The following CAPZA2 variants were observed in gnomAD, a reference collection of about 807,000 sequenced individuals.
The protein encoded by CAPZA2 is capping actin protein of muscle Z-line subunit alpha 2.
CAPZA2 carries 13 observed loss-of-function variants against 44.0 expected under a neutral mutation model. The observed-to-expected ratio is 0.30, with a 90% confidence interval of 0.19 to 0.47. The LOEUF is 0.47. Ranked by LOEUF, CAPZA2 falls within the 20% of genes least tolerant of loss-of-function variation. The pLI is 1.00. For synonymous variants in CAPZA2, 94 were observed against 108.2 expected (o/e 0.87, Z 0.81); for missense variants, 244 against 338.6 (o/e 0.72, Z 2.19).
At chr7:116,876,888 G>C (rs1796629717) in intron 1 of CAPZA2, among the ~76,000 whole-genome samples, 1 of 152,240 alleles carries the variant, frequency 6.6e-6, no homozygotes. Flanking sequence ...TGAACAGTCA[G>C]GGGCTGTAGG....
intron 3 of CAPZA2, among the ~76,000 whole-genome samples, chr7:116,893,850 G>A (rs945442068): frequency 6.6e-6 from 1 of 152,112 alleles, no homozygotes; most frequent in Admixed American, 6.5e-5. Context: ...TTGCACCAGT[G>A]ACCCCAGCCA....
At chr7:116,873,204 T>C (rs1398908595) in intron 1 of CAPZA2, among the ~76,000 whole-genome samples, 1 of 152,222 alleles carries the variant, frequency 6.6e-6, no homozygotes. Context: ...TTAGTATAGC[T>C]ATTTCCCATA....
intron 9 of CAPZA2, among the ~76,000 whole-genome samples, chr7:116,916,620 G>A (rs1197675719): frequency 6.6e-6 from 1 of 151,206 alleles, no homozygotes; most frequent in Non-Finnish European, 1.5e-5. Context: ...GCGAGACTCC[G>A]TCTCAAAAAA....
intron 1 of CAPZA2, 73 bp from the exon 2 acceptor site, chr7:116,888,054 A>G: frequency 2.9e-6 from 3 of 1,044,736 alleles, no homozygotes; most frequent in Admixed American, 4.0e-5. Flanking sequence ...AAATAATATA[A>G]TTTTGCATGT....
intron 1 of CAPZA2, among the ~76,000 whole-genome samples, chr7:116,871,360 T>G (rs1458215672): frequency 6.6e-6 from 1 of 152,188 alleles, no homozygotes; most frequent in Non-Finnish European, 1.5e-5. Context: ...CCTTTGGATT[T>G]AAGAGAAAGG....
chr7:116,871,461 T>C (rs1796553757), intron 1 of CAPZA2, among the ~76,000 whole-genome samples: 1 of 152,220 alleles, frequency 6.6e-6, no homozygotes, highest in Non-Finnish European at 1.5e-5. Context: ...ATTATCTTCA[T>C]TGTACAGACA....
chr7:116,915,506 G>C (rs568869272), intron 8 of CAPZA2: 3 of 152,098 alleles, frequency 2.0e-5, no homozygotes, highest in Non-Finnish European at 4.4e-5. Context: ...TAAGGTGTTA[G>C]AGACTTTTAC....
At chr7:116,894,863 G>T (rs753358117) in intron 3 of CAPZA2, among the ~76,000 whole-genome samples, 10 of 152,004 alleles carry the variant, frequency 6.6e-5, no homozygotes, top group African/African-American at 9.7e-5. Context: ...ATATTCTGTT[G>T]TATCTGTATA....
chr7:116,874,056 A>G (rs1426656073), intron 1 of CAPZA2: 1 of 153,048 alleles, frequency 6.5e-6, no homozygotes, highest in Non-Finnish European at 1.5e-5. Context: ...GGCCATTAAA[A>G]GTACTAGATG....
At chr7:116,872,941 T>G (rs1796570761) in intron 1 of CAPZA2, among the ~76,000 whole-genome samples, 1 of 152,160 alleles carries the variant, frequency 6.6e-6, no homozygotes, top group African/African-American at 2.4e-5. Context: ...TTCTAAAACA[T>G]AGATTTCTAG....
intron 2 of CAPZA2, among the ~76,000 whole-genome samples, chr7:116,890,455 G>A (rs1796816637): frequency 6.9e-6 from 1 of 145,876 alleles, no homozygotes; most frequent in Non-Finnish European, 1.5e-5. Context: ...TGGATCACCT[G>A]AGATCAGGAG....
chr7:116,892,695 G>C (rs926376313), intron 2 of CAPZA2, among the ~76,000 whole-genome samples: 1 of 151,786 alleles, frequency 6.6e-6, no homozygotes, highest in Non-Finnish European at 1.5e-5. Flanking sequence ...GTTGGATTGC[G>C]TTCAGAGCTA....
At chr7:116,879,158 TACTGGG>T (rs1400229281) in intron 1 of CAPZA2, among the ~76,000 whole-genome samples, 2 of 122,082 alleles carry the variant, frequency 1.6e-5, no homozygotes, top group Non-Finnish European at 3.5e-5. Flanking sequence ...AAGAAAAGAA[TACTGGG>T]ACTATGCTAA....
chr7:116,904,015 T>C (rs1327719141), intron 4 of CAPZA2, among the ~76,000 whole-genome samples, 162 bp from the exon 5 acceptor site: 2 of 152,360 alleles, frequency 1.3e-5, no homozygotes, highest in Non-Finnish European at 1.5e-5. Flanking sequence ...TATAGTCAAC[T>C]CATTTGAAGT....
intron 3 of CAPZA2, among the ~76,000 whole-genome samples, chr7:116,895,338 T>C (rs914255583): frequency 4.0e-5 from 6 of 151,736 alleles, no homozygotes; most frequent in Admixed American, 3.9e-4. Flanking sequence ...ATGGGACTTT[T>C]ATTTGTCCAA....
chr7:116,886,849 A>C (rs964390562), intron 1 of CAPZA2, among the ~76,000 whole-genome samples: 1 of 152,258 alleles, frequency 6.6e-6, no homozygotes, highest in African/African-American at 2.4e-5. Context: ...GCTCCTATAC[A>C]TAAGGTGCTT....
intron 1 of CAPZA2, chr7:116,880,125 A>G (rs745567753): frequency 2.2e-5 from 10 of 464,314 alleles, no homozygotes; most frequent in South Asian, 7.9e-5. Context: ...AAGTTGGCCA[A>G]TTTTTTTTTA....
At chr7:116,890,274 T>TTAGG (rs1170024033) in intron 2 of CAPZA2, among the ~76,000 whole-genome samples, 1 of 151,746 alleles carries the variant, frequency 6.6e-6, no homozygotes, top group Non-Finnish European at 1.5e-5. Flanking sequence ...ATTTGGGCAT[T>TTAGG]TAGGATGAGC....
intron 4 of CAPZA2, among the ~76,000 whole-genome samples, chr7:116,899,801 A>G (rs1363214630): frequency 5.3e-5 from 8 of 151,778 alleles, no homozygotes; most frequent in Admixed American, 5.2e-4. Context: ...ATAGCCTCCA[A>G]AGTCACTTTA....
Sources: allele counts gnomAD v4.1 joint callset (sites outside exome capture counted in the v4.1 genomes callset), GRCh38; gene constraint gnomAD v4.1.1; transcripts MANE v1.5; gene names NCBI Gene and HGNC (gene_info 2026-07-23, HGNC 2026-07-21).